COL4A6: variants seen among roughly 807,000 people sequenced by gnomAD.
COL4A6 encodes the protein collagen alpha-6(IV) chain.
COL4A6 carries 59 observed loss-of-function variants against 126.7 expected under a neutral mutation model. The ratio of observed to expected loss-of-function variants is 0.47; its 90% CI spans 0.38 to 0.58. The LOEUF (loss-of-function observed/expected upper bound fraction) is 0.58. Among genes scored for constraint, COL4A6 ranks in the 20% least tolerant of loss-of-function variants. COL4A6 has a pLI of 0.00. For missense variants in COL4A6, 1,285 were observed against 1,337.3 expected (o/e 0.96, Z 0.61); for synonymous variants, 547 against 496.6 (o/e 1.10, Z -1.35).
intron 7 of COL4A6, among the ~76,000 whole-genome samples, chrX:108,211,422 T>C (rs940304698): frequency 8.9e-6 from 1 of 112,960 alleles, no homozygotes; most frequent in South Asian, 3.6e-4. Flanking sequence ...ATGCAAACTG[T>C]TTGTTTGCTG....
intron 3 of COL4A6, among the ~76,000 whole-genome samples, chrX:108,223,139 C>G (rs1229065692): frequency 3.6e-5 from 4 of 111,422 alleles, no homozygotes; most frequent in African/African-American, 6.5e-5. Context: ...AACAGAAAAC[C>G]AAACGCTGCA....
chrX:108,436,714 G>A (rs1007064088), intron 2 of COL4A6, among the ~76,000 whole-genome samples: 2 of 111,848 alleles, frequency 1.8e-5, no homozygotes, highest in African/African-American at 6.5e-5. Context: ...ACTTACATAG[G>A]AACTGATATT....
Position 108,194,431 on chromosome X carries a change from T to G in COL4A6, c.1002+103A>C, listed in dbSNP as rs1602770803. The G allele has an allele frequency of 1.0e-5, 9 of 874,773 alleles. No individual in the cohort carries two copies. The East Asian group carries it at 2.9e-4, about 28-fold the overall frequency. The allele number at this position is 874,773 out of a possible 1,213,427, so 72.1% of individuals were successfully genotyped here. ...GCATTTCTTAAGAAAAAATTGAAAC[T>G]TAAAAGGTCAAAATATTAAAAATAC... On this transcript the variant is annotated intron_variant, in intron 16 of 44. Transcript: ENST00000334504.
At chrX:108,305,492 A>C (rs1407714403) in intron 3 of COL4A6, among the ~76,000 whole-genome samples, 1 of 111,810 alleles carries the variant, frequency 8.9e-6, no homozygotes, top group African/African-American at 3.3e-5. Flanking sequence ...ACTTTAAGCA[A>C]GAGTTTCATG....
chrX:108,318,679 A>G (rs897774556), intron 2 of COL4A6, among the ~76,000 whole-genome samples: 1 of 112,296 alleles, frequency 8.9e-6, no homozygotes, highest in Non-Finnish European at 1.9e-5. Context: ...GACGTGAAGG[A>G]CCTCTTCAAG....
At chrX:108,166,180 T>C (rs541624997) in intron 37 of COL4A6, among the ~76,000 whole-genome samples, 4 of 112,921 alleles carry the variant, frequency 3.5e-5, no homozygotes, top group African/African-American at 1.3e-4. Flanking sequence ...TTTGCTCTAA[T>C]TTTAATACTG....
intron 2 of COL4A6, among the ~76,000 whole-genome samples, chrX:108,434,947 T>C (rs2064239713): frequency 9.0e-6 from 1 of 110,828 alleles, no homozygotes; most frequent in South Asian, 3.8e-4. Context: ...TCTTTAGAAC[T>C]GGAAGAGATC....
rs986350059 is a variant in COL4A6, at chrX:108,250,930, A to T, written c.145-29556T>A. On this transcript the variant is annotated intron_variant, in intron 3 of 44. Coordinates refer to ENST00000334504, the MANE Select transcript of COL4A6 (RefSeq NM_033641.4). The stretch of plus-strand genomic sequence containing the variant: ...AGGAATTGGCTATTGCCTGATTCTC[A>T]TTGTCCGGGGCCTAGGCTGAACTGT... 3.6e-5 allele frequency among the ~76,000 whole-genome samples: 4 copies of T among 111,386 alleles called. No individual in the cohort carries two copies. In the East Asian group the frequency reaches 1.1e-3, roughly 32 times the overall value.
chrX:108,205,826 C>T, intron 9 of COL4A6, 131 bp from the exon 10 acceptor site: 2 of 529,600 alleles, frequency 3.8e-6, no homozygotes, highest in Non-Finnish European at 6.3e-6. Context: ...TTCTAGCTGT[C>T]TTTCCTATGG....
rs377602964 is a variant in COL4A6, at chrX:108,174,528, C to T, written c.3050G>A (p.Gly1017Glu). ...GIIKGVSGKPGPPGFMGIRGL... is the reference protein window; with the variant it reads ...GIIKGVSGKPEPPGFMGIRGL... ...CCGGATTCCCATGAAGCCAGGGGGC[C>T]CTGGCTTTCCACTAACTCCTTTGAT... Residue 1017 changes from glycine (G) to glutamate (E), a missense_variant, in exon 31 of 45, where the codon GGG becomes GAG. Gly to Glu is a moderately conservative substitution (Grantham distance 98). Coordinates refer to ENST00000334504, the MANE Select transcript of COL4A6 (RefSeq NM_033641.4). The T allele has an allele frequency of 9.1e-6, 11 of 1,208,547 alleles. No homozygotes were observed. The highest frequency in any genetic ancestry group is 1.2e-5 in the Non-Finnish European group (11 of 894,441).
At chrX:108,352,239 A>C (rs1223488431) in intron 2 of COL4A6, among the ~76,000 whole-genome samples, 1 of 112,747 alleles carries the variant, frequency 8.9e-6, no homozygotes, top group Admixed American at 9.4e-5. Context: ...GATGCATAAG[A>C]AATGAACACT....
In COL4A6 at chrX:108,186,663, A is replaced by G. The variant is rs950566787; in HGVS notation, c.1951+433T>C. On this transcript the variant is annotated intron_variant, in intron 23 of 44. Coordinates refer to ENST00000334504, the MANE Select transcript of COL4A6 (RefSeq NM_033641.4). ...ACTATAAGCAACTAGATTTCTGCCC[A>G]ATCTGAGATTCCATGAGTTGAGGAA... Among the ~76,000 whole-genome samples, 3 of 111,933 alleles carry G rather than the reference A, an allele frequency of 2.7e-5. No homozygotes were observed. The Admixed American group carries it at 2.9e-4, about 11-fold the overall frequency.
intron 5 of COL4A6, among the ~76,000 whole-genome samples, chrX:108,214,519 C>T (rs955224215): frequency 1.8e-5 from 2 of 112,093 alleles, no homozygotes; most frequent in Non-Finnish European, 3.8e-5. Context: ...CTTTACCTTC[C>T]TTGTATACAA....
intron 5 of COL4A6, among the ~76,000 whole-genome samples, chrX:108,216,707 A>T (rs1193264679): frequency 8.9e-6 from 1 of 112,846 alleles, no homozygotes; most frequent in Non-Finnish European, 1.9e-5. Flanking sequence ...TATTGCCTCA[A>T]GGGACTGAGC....
chrX:108,161,789 C>T, intron 41 of COL4A6, 54 bp from the exon 42 acceptor site: 1 of 827,723 alleles, frequency 1.2e-6, no homozygotes, highest in Non-Finnish European at 1.8e-6. Flanking sequence ...TCCCCAGGCA[C>T]CTTCCCCAGG....
chrX:108,257,985 G>A (rs1165890564), intron 3 of COL4A6, among the ~76,000 whole-genome samples: 1 of 111,622 alleles, frequency 9.0e-6, no homozygotes, highest in Non-Finnish European at 1.9e-5. Context: ...CAGCAAGATC[G>A]AGAAAGAAGA....
At chrX:108,214,900 A>G (rs1203452552) in intron 5 of COL4A6, among the ~76,000 whole-genome samples, 1 of 112,319 alleles carries the variant, frequency 8.9e-6, no homozygotes, top group Non-Finnish European at 1.9e-5. Context: ...TTCTCATACA[A>G]TTCATCTGAA....
At chrX:108,236,081 T>C (rs746580969) in intron 3 of COL4A6, among the ~76,000 whole-genome samples, 1 of 111,421 alleles carries the variant, frequency 9.0e-6, no homozygotes, top group Non-Finnish European at 1.9e-5. Context: ...TCAGAAAAAG[T>C]TAATACAGAA....
chrX:108,317,661 C>T (rs1044886564), intron 2 of COL4A6, among the ~76,000 whole-genome samples: 18 of 111,105 alleles, frequency 1.6e-4, no homozygotes, highest in Non-Finnish European at 9.4e-5. Flanking sequence ...GCCAGTTTTC[C>T]CAGCACCATT....
Sources: gnomAD v4.1 joint callset for allele counts (sites outside exome capture counted in the v4.1 genomes callset) on GRCh38, gnomAD v4.1.1 for gene constraint, MANE v1.5 for transcripts, NCBI Gene and HGNC (gene_info 2026-07-23, HGNC 2026-07-21) for gene names.